The following CACNA1C variants were observed in gnomAD, a reference collection of about 807,000 sequenced individuals.
CACNA1C encodes the protein calcium voltage-gated channel subunit alpha1 C.
Under a neutral mutation model 229.0 loss-of-function variants are expected in CACNA1C, and 30 were observed. The ratio of observed to expected loss-of-function variants is 0.13; its 90% CI spans 0.10 to 0.18. The LOEUF (loss-of-function observed/expected upper bound fraction) is 0.18, where lower values mean the gene tolerates loss of function less well. Among genes scored for constraint, CACNA1C ranks in the 10% least tolerant of loss-of-function variants. The pLI is 1.00. For missense variants in CACNA1C, 1,658 were observed against 2,845.0 expected, an observed-to-expected ratio of 0.58 and a Z score of 9.49; for synonymous variants, 1,114 against 1,132.5, an observed-to-expected ratio of 0.98 and a Z score of 0.33.
rs2096697897 is a variant in CACNA1C at position 2,177,593 on chromosome 12, CT to C, written c.477+57165del. Among the ~76,000 whole-genome samples, 15 of 89,366 alleles carry C rather than the reference CT, an allele frequency of 1.7e-4. No individual in the cohort carries two copies. In the Admixed American group the frequency reaches 1.8e-3, roughly 11 times the overall value. 58.6% of individuals were successfully genotyped at this position (89,366 alleles called of 152,430 possible). ...CCTCCCTCCCTCCCTCCCTCCCTTC[CT>C]TCCTTCCTTCCTTCCTTCCTTCCTT... is the stretch of plus-strand genomic sequence containing the variant. On this transcript the variant is annotated intron_variant, in intron 3 of 46. Transcript: ENST00000399655.
chr12:2,606,883 G>A, intron 25 of CACNA1C, 101 bp from the exon 26 acceptor site: 1 of 1,388,628 alleles, frequency 7.2e-7, no homozygotes, highest in Non-Finnish European at 1.0e-6. Context: ...TGAAGTTCAA[G>A]CCAGGCAGTC....
At chr12:2,030,115 G>C (rs1002498732) in intron 1 of CACNA1C, among the ~76,000 whole-genome samples, 2 of 152,182 alleles carry the variant, frequency 1.3e-5, no homozygotes, top group Middle Eastern at 3.2e-3. Flanking sequence ...CGGATTACCA[G>C]AGCAATATGT....
chr12:2,470,469 A>G (rs2099585400), intron 5 of CACNA1C, among the ~76,000 whole-genome samples: 1 of 152,230 alleles, frequency 6.6e-6, no homozygotes, highest in African/African-American at 2.4e-5. Context: ...GAAGTGATCA[A>G]TACGCAGAAC....
chr12:2,309,393 A>G, intron 3 of CACNA1C, among the ~76,000 whole-genome samples: 1 of 152,158 alleles, frequency 6.6e-6, no homozygotes. Context: ...TGGCAATCTA[A>G]TGTACAGCAT....
chr12:2,446,238 G>C (rs555388792), intron 3 of CACNA1C, among the ~76,000 whole-genome samples: 4 of 150,786 alleles, frequency 2.7e-5, no homozygotes, highest in African/African-American at 9.8e-5. Context: ...TGGATGGGTA[G>C]GTGGGTGGAT....
At chr12:2,274,684 G>C (rs1367010621) in intron 3 of CACNA1C, among the ~76,000 whole-genome samples, 1 of 152,200 alleles carries the variant, frequency 6.6e-6, no homozygotes, top group African/African-American at 2.4e-5. Flanking sequence ...GTTTGCCCAA[G>C]GCCATCTAAC....
intron 9 of CACNA1C, among the ~76,000 whole-genome samples, chr12:2,531,413 C>G (rs1235417014): frequency 6.6e-6 from 1 of 152,190 alleles, no homozygotes; most frequent in East Asian, 1.9e-4. Context: ...CTAAACAACC[C>G]TTTCCTCTCT....
At chr12:2,217,802 G>C (rs558552641) in intron 3 of CACNA1C, 1 of 152,166 alleles carries the variant, frequency 6.6e-6, no homozygotes, top group African/African-American at 2.4e-5. Context: ...GTTCACGATC[G>C]GTGTGACCTT....
intron 3 of CACNA1C, among the ~76,000 whole-genome samples, chr12:2,216,302 A>G (rs1019526264): frequency 9.9e-5 from 15 of 152,118 alleles, no homozygotes; most frequent in Non-Finnish European, 1.8e-4. Flanking sequence ...CTAGATTATA[A>G]TTACCTGAAG....
intron 38 of CACNA1C, among the ~76,000 whole-genome samples, chr12:2,671,038 T>G (rs1603441576): frequency 1.3e-5 from 2 of 151,170 alleles, no homozygotes; most frequent in Admixed American, 6.6e-5. Context: ...TTTTTTTAAA[T>G]GGAATCTCGC....
intron 1 of CACNA1C, among the ~76,000 whole-genome samples, chr12:1,978,172 C>G (rs1000324735): frequency 2.0e-5 from 3 of 152,158 alleles, no homozygotes; most frequent in Admixed American, 2.0e-4. Context: ...TGTCGCAACC[C>G]AGAGAAAGGG....
intron 3 of CACNA1C, among the ~76,000 whole-genome samples, chr12:2,261,692 A>T (rs2080287696): frequency 1.3e-5 from 2 of 152,212 alleles, no homozygotes; most frequent in Admixed American, 1.3e-4. Context: ...ATATAGCATC[A>T]GAGGTGGTTT....
At chr12:2,216,405 T>C (rs2059979878) in intron 3 of CACNA1C, among the ~76,000 whole-genome samples, 3 of 152,132 alleles carry the variant, frequency 2.0e-5, no homozygotes, top group Admixed American at 6.5e-5. Flanking sequence ...CAATTAGAGA[T>C]AAAAGGCTTC....
chr12:2,127,971 A>G (rs1261980378), intron 3 of CACNA1C, among the ~76,000 whole-genome samples: 1 of 152,108 alleles, frequency 6.6e-6, no homozygotes, highest in Non-Finnish European at 1.5e-5. Flanking sequence ...CTTTCTATTT[A>G]TTTGTTTACT....
intron 3 of CACNA1C, among the ~76,000 whole-genome samples, chr12:2,146,770 C>A (rs2094752791): frequency 6.6e-6 from 1 of 151,226 alleles, no homozygotes; most frequent in Non-Finnish European, 1.5e-5. Context: ...CCTTCTTCAC[C>A]CTTTCCCCTC....
At chr12:2,160,765 C>A (rs2095813802) in intron 3 of CACNA1C, among the ~76,000 whole-genome samples, 1 of 152,210 alleles carries the variant, frequency 6.6e-6, no homozygotes, top group Non-Finnish European at 1.5e-5. Context: ...TGGCAAGTTT[C>A]TTTGCTTTCC....
chr12:1,997,935 C>G, intron 1 of CACNA1C: 6 of 1,605,704 alleles, frequency 3.7e-6, no homozygotes, highest in Non-Finnish European at 4.3e-6. Context: ...ACACTCTTAC[C>G]TTGTATAAAC....
intron 1 of CACNA1C, among the ~76,000 whole-genome samples, chr12:2,022,053 G>C (rs1208349773): frequency 1.3e-5 from 2 of 152,172 alleles, no homozygotes; most frequent in Admixed American, 1.3e-4. Context: ...CCACTGTCTA[G>C]GTGGAGTTGG....
At chr12:2,297,707 T>A (rs1332710298) in intron 3 of CACNA1C, among the ~76,000 whole-genome samples, 1 of 152,228 alleles carries the variant, frequency 6.6e-6, no homozygotes, top group Non-Finnish European at 1.5e-5. Context: ...AGTCTAAGTA[T>A]CTACAGATAA....
Sources: allele counts gnomAD v4.1 joint callset (sites outside exome capture counted in the v4.1 genomes callset), GRCh38; gene constraint gnomAD v4.1.1; transcripts MANE v1.5; gene names NCBI Gene and HGNC (gene_info 2026-07-23, HGNC 2026-07-21).